Variants in ODAD2 observed in about 807,000 individuals in gnomAD.
The protein encoded by ODAD2 is outer dynein arm-docking complex subunit 2.
In ODAD2, 89 loss-of-function variants were observed where a neutral mutation model predicts 106.8. That is an observed-to-expected ratio of 0.83 (90% CI 0.70 to 0.99). The LOEUF (loss-of-function observed/expected upper bound fraction) is 0.99, where lower values mean the gene tolerates loss of function less well. Among genes scored for constraint, ODAD2 ranks in the 50% least tolerant of loss-of-function variants. The probability of loss-of-function intolerance (pLI) is 0.00; values close to 1 mark genes in which losing one functional copy is unlikely to be tolerated. For synonymous variants in ODAD2, 404 were observed against 436.2 expected (o/e 0.93, Z 0.92); for missense variants, 1,168 against 1,238.5 (o/e 0.94, Z 0.85).
Position 27,918,962 on chromosome 10 carries a change from A to G in ODAD2, c.2496-11185T>C, listed in dbSNP as rs566880504. Among the ~76,000 whole-genome samples, 13 of 151,924 alleles carry G rather than the reference A, an allele frequency of 8.6e-5. No homozygotes were observed. In the South Asian group the frequency reaches 2.5e-3, roughly 29 times the overall value. ...ATAATTATCAATCACAAAACCACAA[A>G]TAAGTAGATAACTAGAAAAAGTATA... is the stretch of plus-strand genomic sequence containing the variant. On this transcript the variant is annotated intron_variant, in intron 16 of 19. Coordinates refer to ENST00000305242, the MANE Select transcript of ODAD2 (RefSeq NM_018076.5).
At chr10:27,833,377 G>GA (rs34549525) in intron 19 of ODAD2, among the ~76,000 whole-genome samples, 13 of 150,218 alleles carry the variant, frequency 8.7e-5, no homozygotes, top group South Asian at 6.4e-4. Flanking sequence ...GGTACAAACT[G>GA]AAAAAAAAAA....
At chr10:27,993,974 ATGTGTGTGTGTG>A (rs56017872) in intron 2 of ODAD2, among the ~76,000 whole-genome samples, 4 of 140,616 alleles carry the variant, frequency 2.8e-5, no homozygotes, top group Admixed American at 7.2e-5. Context: ...ATATATATAT[ATGTGTGTGTGTG>A]TGTGTGTGTG....
At chr10:27,968,810 T>C (rs1848641702) in intron 9 of ODAD2, 113 bp downstream of exon 9, 1 of 336,770 alleles carries the variant, frequency 3.0e-6, no homozygotes, top group South Asian at 2.6e-5. Flanking sequence ...CTAGTAACCG[T>C]CAGTGTAAAC....
chr10:27,830,387 A>G (rs1837384660), intron 19 of ODAD2, among the ~76,000 whole-genome samples: 1 of 152,180 alleles, frequency 6.6e-6, no homozygotes, highest in Non-Finnish European at 1.5e-5. Context: ...TCTCATTCTG[A>G]GAGTCTCAAC....
At chr10:27,896,773 G>A (rs939952251) in intron 17 of ODAD2, among the ~76,000 whole-genome samples, 5 of 152,042 alleles carry the variant, frequency 3.3e-5, no homozygotes, top group Admixed American at 6.6e-5. Context: ...TATAGATATA[G>A]ATATATAGAT....
At chr10:27,943,909 TCTCA>T (rs1846653654) in intron 12 of ODAD2, among the ~76,000 whole-genome samples, 1 of 150,228 alleles carries the variant, frequency 6.7e-6, no homozygotes, top group African/African-American at 2.4e-5. Context: ...GAGCAGCAGG[TCTCA>T]CTATCTCTTA....
chr10:27,814,033 T>C (rs1037184813), intron 19 of ODAD2, among the ~76,000 whole-genome samples: 6 of 152,156 alleles, frequency 3.9e-5, no homozygotes, highest in African/African-American at 1.4e-4. Flanking sequence ...ATTAATGATG[T>C]TGTAGGAGTC....
intron 16 of ODAD2, among the ~76,000 whole-genome samples, chr10:27,910,793 G>A (rs189255241): frequency 6.2e-4 from 94 of 151,956 alleles, no homozygotes; most frequent in African/African-American, 2.2e-3. Context: ...CAAAAAAACA[G>A]ATACAGTCAA....
At chr10:27,936,014 A>T (rs903030369) in intron 15 of ODAD2, among the ~76,000 whole-genome samples, 5 of 152,148 alleles carry the variant, frequency 3.3e-5, no homozygotes, top group Non-Finnish European at 7.4e-5. Context: ...TTTAATTAAG[A>T]TAAAAGTTCC....
chr10:27,946,785 T>A (rs965195490), intron 10 of ODAD2, among the ~76,000 whole-genome samples: 1 of 152,142 alleles, frequency 6.6e-6, no homozygotes, highest in Non-Finnish European at 1.5e-5. Flanking sequence ...ATGCAAACCC[T>A]CTTGTGAATT....
chr10:27,832,859 G>C lies in ODAD2; in HGVS notation c.3022-20234C>G, dbSNP rs113098144. Among the ~76,000 whole-genome samples the C allele has an allele frequency of 3.1e-3, 473 of 152,138 alleles. 2 individuals carry two copies. Among genetic ancestry groups the C allele is most frequent in the East Asian group, 0.011 (57 of 5,180 alleles). ...CTTTTTCAGCATATCATTTTACTGTGACCTAAGCAGCTACTGAGAAAATTA... is the reference window on the plus strand; with the variant it reads ...CTTTTTCAGCATATCATTTTACTGTCACCTAAGCAGCTACTGAGAAAATTA... On this transcript the variant is annotated intron_variant, in intron 19 of 19. Transcript: ENST00000305242.
At chr10:27,945,256 C>A (rs544521707) in intron 10 of ODAD2, among the ~76,000 whole-genome samples, 3 of 152,304 alleles carry the variant, frequency 2.0e-5, no homozygotes, top group Admixed American at 6.5e-5. Flanking sequence ...CTGAGGAATG[C>A]AAGATGTACA....
chr10:27,848,015 C>T (rs1325260391), intron 19 of ODAD2, among the ~76,000 whole-genome samples: 1 of 152,146 alleles, frequency 6.6e-6, no homozygotes, highest in Non-Finnish European at 1.5e-5. Context: ...TTTATAGATT[C>T]AATGCCATTC....
rs370222446 is a variant in ODAD2, at chr10:27,969,324, T to G, written c.1143-306A>C. On this transcript the variant is annotated intron_variant, in intron 8 of 19. Transcript: ENST00000305242. ...ACTCTAGGTATGTATCGCCGCCAAT[T>G]ATAGTTTTCTATTTTCTTATCTTCC... Among the ~76,000 whole-genome samples, 39 of 151,884 alleles carry G rather than the reference T, an allele frequency of 2.6e-4. 1 individual carries two copies. The highest frequency in any genetic ancestry group is 4.3e-4 in the Non-Finnish European group (29 of 68,006).
intron 16 of ODAD2, among the ~76,000 whole-genome samples, chr10:27,917,807 G>A (rs971100361): frequency 6.6e-6 from 1 of 151,758 alleles, no homozygotes; most frequent in East Asian, 1.9e-4. Flanking sequence ...TCCCAAAAAA[G>A]AGACTGATGG....
intron 2 of ODAD2, among the ~76,000 whole-genome samples, chr10:27,988,407 G>A (rs532697718): frequency 8.1e-5 from 12 of 148,968 alleles, no homozygotes; most frequent in Middle Eastern, 3.5e-3. Context: ...GCGTGATCTC[G>A]GGTCACTGCA....
At chr10:27,851,596 T>G (rs1363227520) in intron 19 of ODAD2, among the ~76,000 whole-genome samples, 2 of 149,752 alleles carry the variant, frequency 1.3e-5, no homozygotes, top group East Asian at 3.9e-4. Context: ...GAAAAAAAAG[T>G]GAGCTTGAAG....
At chr10:27,952,601 T>G (rs1185646193) in intron 10 of ODAD2, among the ~76,000 whole-genome samples, 1 of 152,140 alleles carries the variant, frequency 6.6e-6, no homozygotes, top group Non-Finnish European at 1.5e-5. Flanking sequence ...CCTGTGTCCA[T>G]GTGTTCTCAT....
intron 19 of ODAD2, among the ~76,000 whole-genome samples, chr10:27,848,829 A>G (rs529666810): frequency 1.3e-5 from 2 of 152,246 alleles, no homozygotes; most frequent in Non-Finnish European, 2.9e-5. Flanking sequence ...CATCAGAGAA[A>G]TGCAAATCAA....
Sources: gnomAD v4.1 joint callset for allele counts (sites outside exome capture counted in the v4.1 genomes callset) on GRCh38, gnomAD v4.1.1 for gene constraint, MANE v1.5 for transcripts, NCBI Gene and HGNC (gene_info 2026-07-23, HGNC 2026-07-21) for gene names.